Variants in JAM3 observed in about 807,000 individuals in gnomAD.
JAM3 encodes junctional adhesion molecule 3.
Under a neutral mutation model 39.4 loss-of-function variants are expected in JAM3, and 31 were observed. That is an observed-to-expected ratio of 0.79 (90% CI 0.59 to 1.06). The LOEUF is 1.06. JAM3 is among the 50% of genes least tolerant of loss of function. The pLI is 0.00. For synonymous variants in JAM3, 182 were observed against 148.7 expected, an observed-to-expected ratio of 1.22 and a Z score of -1.63; for missense variants, 455 against 391.4, an observed-to-expected ratio of 1.16 and a Z score of -1.37.
chr11:134,073,145 T>C (rs967867315), intron 1 of JAM3, among the ~76,000 whole-genome samples: 2 of 152,180 alleles, frequency 1.3e-5, no homozygotes, highest in Non-Finnish European at 2.9e-5. Flanking sequence ...AAGCCTTAAT[T>C]GACTGTCTCT....
intron 1 of JAM3, among the ~76,000 whole-genome samples, chr11:134,080,943 G>A (rs940029755): frequency 6.6e-6 from 1 of 152,118 alleles, no homozygotes; most frequent in Non-Finnish European, 1.5e-5. Context: ...AGGCTGGGGT[G>A]GTCTCAGATG....
intron 1 of JAM3, among the ~76,000 whole-genome samples, chr11:134,122,742 AAT>A (rs1444954554): frequency 1.3e-5 from 2 of 152,232 alleles, no homozygotes; most frequent in African/African-American, 4.8e-5. Context: ...TCAAGTCGAA[AAT>A]ATGTGAATTC....
chr11:134,078,003 C>A (rs942163867), intron 1 of JAM3, among the ~76,000 whole-genome samples: 5 of 152,098 alleles, frequency 3.3e-5, no homozygotes, highest in African/African-American at 1.2e-4. Flanking sequence ...CAGTGCCTGT[C>A]TCTGGGGTGA....
At chr11:134,086,207 C>G (rs756716330) in intron 1 of JAM3, among the ~76,000 whole-genome samples, 4 of 152,138 alleles carry the variant, frequency 2.6e-5, no homozygotes, top group Non-Finnish European at 5.9e-5. Context: ...TTATTCTCTG[C>G]TTTGCTTTAT....
intron 1 of JAM3, among the ~76,000 whole-genome samples, chr11:134,103,194 T>TG (rs1413388469): frequency 6.6e-6 from 1 of 151,866 alleles, no homozygotes; most frequent in Non-Finnish European, 1.5e-5. Flanking sequence ...CAGAAGAGAG[T>TG]GGGGGCCAAT....
intron 1 of JAM3, among the ~76,000 whole-genome samples, chr11:134,127,156 A>G (rs1223502836): frequency 1.3e-5 from 2 of 152,192 alleles, no homozygotes; most frequent in African/African-American, 2.4e-5. Flanking sequence ...AGTGTTAGAC[A>G]TGGAGTTTAA....
intron 1 of JAM3, among the ~76,000 whole-genome samples, chr11:134,077,790 G>A (rs923368911): frequency 6.6e-6 from 1 of 151,098 alleles, no homozygotes; most frequent in Non-Finnish European, 1.5e-5. Context: ...GGGATTACAG[G>A]TGCCCGCCAC....
At chr11:134,072,700 A>G (rs1050800762) in intron 1 of JAM3, among the ~76,000 whole-genome samples, 1 of 141,196 alleles carries the variant, frequency 7.1e-6, no homozygotes, top group African/African-American at 3.2e-5. Flanking sequence ...TCACAAGATC[A>G]GGAGATCAAG....
intron 1 of JAM3, among the ~76,000 whole-genome samples, chr11:134,074,551 C>T (rs1030870071): frequency 6.6e-6 from 1 of 152,150 alleles, no homozygotes; most frequent in African/African-American, 2.4e-5. Context: ...TTAGTTGCCA[C>T]TGACTTTTGG....
chr11:134,122,381 C>A (rs1382081159), intron 1 of JAM3, among the ~76,000 whole-genome samples: 1 of 152,174 alleles, frequency 6.6e-6, no homozygotes, highest in Admixed American at 6.5e-5. Flanking sequence ...GCAAGAGCCC[C>A]TGATGGTACC....
In JAM3 at chr11:134,140,787, C is replaced by T. The variant is rs377631163; in HGVS notation, c.256+17C>T. Reference sequence around the variant, plus strand: ...AAATTCAGGGTATGATCCTGTAGTCCTCTTGCCTGCTGACCTTTCCTCTGT... The same window carrying T: ...AAATTCAGGGTATGATCCTGTAGTCTTCTTGCCTGCTGACCTTTCCTCTGT... On this transcript the variant is annotated intron_variant, in intron 3 of 8. Transcript: ENST00000299106. 3.0e-5 allele frequency: 48 copies of T among 1,602,842 alleles called. No homozygotes were observed. The African/African-American group carries it at 5.4e-4, about 18-fold the overall frequency.
rs185719162 is a variant in JAM3 at position 134,134,083 on chromosome 11, C to T, written c.77-5768C>T. ...TGGAAATTTTTAGAAAGAATCAAAACGAAACACTAGAGATAAAAAAAACTA... is the reference window on the plus strand; with the variant it reads ...TGGAAATTTTTAGAAAGAATCAAAATGAAACACTAGAGATAAAAAAAACTA... On this transcript the variant is annotated intron_variant, in intron 1 of 8. Coordinates refer to ENST00000299106, the MANE Select transcript of JAM3 (RefSeq NM_032801.5). Among the ~76,000 whole-genome samples, 229 of 151,886 alleles carry T rather than the reference C, an allele frequency of 1.5e-3. 2 individuals carry two copies. The highest frequency in any genetic ancestry group is 4.9e-3 in the African/African-American group (203 of 41,420).
Position 134,124,036 on chromosome 11 carries a change from C to A in JAM3, c.77-15815C>A, listed in dbSNP as rs1179249788. On this transcript the variant is annotated intron_variant, in intron 1 of 8. Coordinates refer to ENST00000299106, the MANE Select transcript of JAM3 (RefSeq NM_032801.5). ...CCCAATCCCGCAACACAAGGCACTG[C>A]AACACAGCCACCTGGCTCTTCACAG... The A allele has an allele frequency of 3.5e-6, 5 of 1,439,516 alleles. No homozygotes were observed. The East Asian group carries it at 1.1e-4, about 33-fold the overall frequency. The allele number at this position is 1,439,516 out of a possible 1,614,324, so 89.2% of individuals were successfully genotyped here.
At position 134,106,487 on chromosome 11, in the gene JAM3, T is replaced by A. The variant is rs1278873454; in HGVS notation, c.77-33364T>A. On this transcript the variant is annotated intron_variant, in intron 1 of 8. Coordinates refer to ENST00000299106, the MANE Select transcript of JAM3 (RefSeq NM_032801.5). ...AAAAGCAATGGCAACAAAAGCCAAA[T>A]TTGACAGATGGGATCTAATTAAAGA... Among the ~76,000 whole-genome samples the A allele has an allele frequency of 5.2e-4, 79 of 152,248 alleles. 5 individuals carry two copies. In the East Asian group the frequency reaches 0.014, roughly 28 times the overall value.
intron 1 of JAM3, among the ~76,000 whole-genome samples, chr11:134,091,836 G>T (rs1334426650): frequency 7.1e-6 from 1 of 141,500 alleles, no homozygotes; most frequent in Non-Finnish European, 1.5e-5. Context: ...GGGGGTGTGG[G>T]TTTTTTTTTT....
chr11:134,112,624 C>T (rs964622024), intron 1 of JAM3, among the ~76,000 whole-genome samples: 9 of 152,158 alleles, frequency 5.9e-5, no homozygotes, highest in African/African-American at 1.9e-4. Flanking sequence ...CTTTTATTAA[C>T]ATATTCCTCC....
intron 1 of JAM3, among the ~76,000 whole-genome samples, chr11:134,108,270 C>CT (rs1161248999): frequency 6.6e-6 from 1 of 151,760 alleles, no homozygotes; most frequent in African/African-American, 2.4e-5. Context: ...CTAACATCTA[C>CT]TTTTTAAAAA....
At chr11:134,101,719 C>T (rs561421651) in intron 1 of JAM3, among the ~76,000 whole-genome samples, 7 of 152,036 alleles carry the variant, frequency 4.6e-5, no homozygotes, top group Non-Finnish European at 1.0e-4. Flanking sequence ...CTTATTTATT[C>T]TTTTTCCTCC....
At chr11:134,077,350 G>A (rs1176769887) in intron 1 of JAM3, among the ~76,000 whole-genome samples, 2 of 150,006 alleles carry the variant, frequency 1.3e-5, no homozygotes, top group African/African-American at 4.9e-5. Context: ...GGATATTAGT[G>A]TGTCAAGGAT....
Sources: allele counts gnomAD v4.1 joint callset (sites outside exome capture counted in the v4.1 genomes callset), GRCh38; gene constraint gnomAD v4.1.1; transcripts MANE v1.5; gene names NCBI Gene and HGNC (gene_info 2026-07-23, HGNC 2026-07-21).